Variants in AK9 observed in about 807,000 individuals in gnomAD.
AK9 encodes the protein adenylate kinase domain containing 1.
Under a neutral mutation model 239.6 loss-of-function variants are expected in AK9, and 191 were observed. That is an observed-to-expected ratio of 0.80 (90% CI 0.71 to 0.90). AK9 has a LOEUF of 0.90. AK9 is among the 40% of genes least tolerant of loss of function. The pLI is 0.00. For missense variants in AK9, 1,995 were observed against 2,214.7 expected, an observed-to-expected ratio of 0.90 and a Z score of 1.99; for synonymous variants, 689 against 721.0, an observed-to-expected ratio of 0.96 and a Z score of 0.71.
intron 24 of AK9, 121 bp downstream of exon 24, chr6:109,563,476 G>A: frequency 7.2e-7 from 1 of 1,397,198 alleles, no homozygotes. Flanking sequence ...GGCAGAGGGA[G>A]AATGTGTGTG....
Position 109,675,641 on chromosome 6 carries a change from T to A in AK9, c.105A>T (p.Val35=). Residue 35 remains valine, a synonymous_variant, in exon 2 of 41, where the codon GTA becomes GTT. Coordinates refer to ENST00000424296, the MANE Select transcript of AK9 (RefSeq NM_001145128.3). ...AGAGATAACTTACTGGTTTCCCAAA[T>A]ACAACAAAGCAAACAGGTTTGGACA... ...FLLSKPVCFV[V]FGKPGVGKTT... 6.5e-7 allele frequency: 1 copy of A among 1,547,902 alleles called. No homozygotes were observed. Among genetic ancestry groups the A allele is most frequent in the Non-Finnish European group, 8.7e-7 (1 of 1,147,894 alleles).
chr6:109,580,238 C>A (rs74815211), intron 19 of AK9, among the ~76,000 whole-genome samples: 3,170 of 151,902 alleles, frequency 0.021, 100 homozygotes, highest in African/African-American at 0.074. Context: ...TTTAAAGAGA[C>A]CTGGAATATG....
intron 17 of AK9, among the ~76,000 whole-genome samples, chr6:109,589,305 T>C (rs897530774): frequency 1.3e-5 from 2 of 152,198 alleles, no homozygotes; most frequent in Non-Finnish European, 2.9e-5. Context: ...CTTGGTTAAA[T>C]GTATTCCTGG....
intron 27 of AK9, among the ~76,000 whole-genome samples, chr6:109,535,261 G>T (rs1040320221): frequency 1.3e-5 from 2 of 152,162 alleles, no homozygotes; most frequent in Non-Finnish European, 2.9e-5. Flanking sequence ...ATCCTCTCCA[G>T]CACCTGTTGT....
rs190292473 is a variant in AK9 at position 109,570,140 on chromosome 6, T to C, written c.2344+3302A>G. ...CTCATGTGCTTTGTAGGGACATGGATGAAGCTGGAAACCATCATTCTCAGC... is the reference window on the plus strand; with the variant it reads ...CTCATGTGCTTTGTAGGGACATGGACGAAGCTGGAAACCATCATTCTCAGC... On this transcript the variant is annotated intron_variant, in intron 21 of 40. Transcript: ENST00000424296. Among the ~76,000 whole-genome samples, 86 of 152,274 alleles carry C rather than the reference T, an allele frequency of 5.6e-4. 1 individual carries two copies. The highest frequency in any genetic ancestry group is 1.9e-3 in the African/African-American group (77 of 41,554).
intron 12 of AK9, chr6:109,632,333 T>G (rs1796171920): frequency 8.1e-6 from 8 of 984,928 alleles, no homozygotes; most frequent in Non-Finnish European, 9.6e-6. Flanking sequence ...CAAGCCACAT[T>G]GCCCCTTCTA....
At chr6:109,608,139 C>A (rs186304636) in intron 17 of AK9, among the ~76,000 whole-genome samples, 1 of 151,972 alleles carries the variant, frequency 6.6e-6, no homozygotes, top group Admixed American at 6.6e-5. Context: ...ATTAGCCAGG[C>A]ATGGTGGCAT....
chr6:109,607,670 A>C (rs529941097), intron 17 of AK9, among the ~76,000 whole-genome samples: 6 of 152,016 alleles, frequency 3.9e-5, no homozygotes, highest in Non-Finnish European at 8.8e-5. Flanking sequence ...CAAATATTTT[A>C]TGTTCATGGA....
intron 32 of AK9, 48 bp downstream of exon 32, chr6:109,514,176 A>G: frequency 6.6e-7 from 1 of 1,504,806 alleles, no homozygotes; most frequent in Non-Finnish European, 9.0e-7. Flanking sequence ...ATTGGGTACA[A>G]GCAGATTCTT....
At position 109,509,261 on chromosome 6, in the gene AK9, G is replaced by T. The variant is rs1187049354; in HGVS notation, c.4399C>A (p.His1467Asn). 6.4e-7 allele frequency: 1 copy of T among 1,552,012 alleles called. No homozygotes were observed. The highest frequency in any genetic ancestry group is 2.0e-5 in the Admixed American group (1 of 50,998). ...ELALMLNWHL[H>N]KGMTAPDELA... is the part of the protein sequence containing the mutation. ...TCATCAGGTGCTGTCATTCCTTTAT[G>T]AAGATGCCAATTTAACATAAGTGCC... is the stretch of plus-strand genomic sequence containing the variant. The change falls in exon 33 of 41, where the codon CAT becomes AAT. Residue 1467 changes from histidine to asparagine, a missense_variant. His to Asn is a moderately conservative substitution (Grantham distance 68, BLOSUM62 1). Coordinates refer to ENST00000424296, the MANE Select transcript of AK9 (RefSeq NM_001145128.3).
At chr6:109,618,986 A>G (rs1794512547) in intron 13 of AK9, 106 bp downstream of exon 13, 7 of 1,257,536 alleles carry the variant, frequency 5.6e-6, no homozygotes, top group Non-Finnish European at 7.5e-6. Flanking sequence ...TATAATGTGT[A>G]AAGTGCCAAG....
chr6:109,616,075 A>AG (rs954348728), intron 13 of AK9, among the ~76,000 whole-genome samples: 1 of 152,150 alleles, frequency 6.6e-6, no homozygotes, highest in African/African-American at 2.4e-5. Context: ...TGTCTCTGCC[A>AG]GAAAAAAAAA....
intron 20 of AK9, among the ~76,000 whole-genome samples, chr6:109,578,001 A>G (rs921919255): frequency 1.2e-4 from 18 of 148,660 alleles, no homozygotes; most frequent in African/African-American, 4.2e-4. Flanking sequence ...ACACGATCTC[A>G]GCTCACTGCA....
chr6:109,508,659 G>A (rs780404323), intron 33 of AK9, among the ~76,000 whole-genome samples: 1 of 152,148 alleles, frequency 6.6e-6, no homozygotes, highest in Non-Finnish European at 1.5e-5. Context: ...TTTACTACTG[G>A]GTATGGCCCG....
chr6:109,497,176 C>A (rs181777137), intron 38 of AK9, among the ~76,000 whole-genome samples: 1 of 151,944 alleles, frequency 6.6e-6, no homozygotes, highest in Non-Finnish European at 1.5e-5. Flanking sequence ...GACCTTACAC[C>A]CACACACAAT....
At chr6:109,557,293 A>G (rs1374031236) in intron 24 of AK9, among the ~76,000 whole-genome samples, 1 of 151,966 alleles carries the variant, frequency 6.6e-6, no homozygotes, top group Non-Finnish European at 1.5e-5. Context: ...TTCAGACACT[A>G]CTCATCTGAT....
chr6:109,641,120 AACAT>A (rs1447526246), intron 10 of AK9, among the ~76,000 whole-genome samples: 3 of 146,298 alleles, frequency 2.1e-5, no homozygotes, highest in African/African-American at 7.5e-5. Flanking sequence ...TTAAGGCCAC[AACAT>A]ACATATATAT....
chr6:109,612,200 C>T, intron 15 of AK9, 107 bp from the exon 16 acceptor site: 1 of 637,092 alleles, frequency 1.6e-6, no homozygotes, highest in Non-Finnish European at 2.6e-6. Flanking sequence ...CTCACATTCC[C>T]AATTTTTAAT....
At chr6:109,547,325 T>C (rs142672101) in intron 25 of AK9, among the ~76,000 whole-genome samples, 1 of 152,246 alleles carries the variant, frequency 6.6e-6, no homozygotes, top group African/African-American at 2.4e-5. Context: ...GATGTATATA[T>C]CTTGCTCCAG....
Sources: gnomAD v4.1 joint callset for allele counts (sites outside exome capture counted in the v4.1 genomes callset) on GRCh38, gnomAD v4.1.1 for gene constraint, MANE v1.5 for transcripts, NCBI Gene and HGNC (gene_info 2026-07-23, HGNC 2026-07-21) for gene names.